The following DNAJC1 variants were observed in gnomAD, a reference collection of about 807,000 sequenced individuals.
DNAJC1 encodes the protein DnaJ heat shock protein family (Hsp40) member C1.
A neutral mutation model predicts 76.6 loss-of-function variants in DNAJC1; 58 were observed. The ratio of observed to expected loss-of-function variants is 0.76; its 90% CI spans 0.61 to 0.94. The LOEUF (loss-of-function observed/expected upper bound fraction) is 0.94, where lower values mean the gene tolerates loss of function less well. Ranked by LOEUF, DNAJC1 falls within the 40% of genes least tolerant of loss-of-function variation. The pLI, the probability that DNAJC1 is intolerant of heterozygous loss-of-function variation, is 0.00. For missense variants in DNAJC1, 689 were observed against 677.3 expected, an observed-to-expected ratio of 1.02 and a Z score of -0.19; for synonymous variants, 258 against 267.9, an observed-to-expected ratio of 0.96 and a Z score of 0.36.
chr10:21,930,755 T>G (rs1474357464), intron 1 of DNAJC1, among the ~76,000 whole-genome samples: 2 of 152,298 alleles, frequency 1.3e-5, no homozygotes, highest in Admixed American at 1.3e-4. Flanking sequence ...ACAGATAATG[T>G]GGTAGAAATA....
intron 1 of DNAJC1, among the ~76,000 whole-genome samples, 170 bp from the exon 2 acceptor site, chr10:21,929,311 T>A (rs1411513474): frequency 6.6e-6 from 1 of 152,218 alleles, no homozygotes; most frequent in African/African-American, 2.4e-5. Flanking sequence ...CTGACCCACA[T>A]GACTGAACAA....
At chr10:21,889,577 G>T (rs2131729478) in intron 7 of DNAJC1, among the ~76,000 whole-genome samples, 1 of 152,252 alleles carries the variant, frequency 6.6e-6, no homozygotes, top group East Asian at 1.9e-4. Flanking sequence ...GAATTTGAAA[G>T]TTAAGAGAGA....
intron 9 of DNAJC1, among the ~76,000 whole-genome samples, chr10:21,795,685 A>G (rs746082983): frequency 3.9e-5 from 6 of 152,238 alleles, no homozygotes; most frequent in African/African-American, 9.6e-5. Context: ...TCAGGTATAC[A>G]GTACAATACT....
intron 1 of DNAJC1, among the ~76,000 whole-genome samples, chr10:21,980,610 G>C (rs2131837026): frequency 6.6e-6 from 1 of 152,138 alleles, no homozygotes; most frequent in South Asian, 2.1e-4. Flanking sequence ...GATGTTAATG[G>C]GACAGCTGGA....
At position 21,849,555 on chromosome 10, in the gene DNAJC1, C is replaced by T. The variant is rs1029092032; in HGVS notation, c.978+32727G>A. ...AAAAAGAGGGGAGATGCAAATAACT[C>T]AGTCCTTTTCAAAATCTTAAAAAAT... is the stretch of plus-strand genomic sequence containing the variant. On this transcript the variant is annotated intron_variant, in intron 8 of 11. Transcript: ENST00000376980. 2.6e-5 allele frequency among the ~76,000 whole-genome samples: 4 copies of T among 152,068 alleles called. No homozygotes were observed. The South Asian group carries it at 8.3e-4, about 32-fold the overall frequency.
intron 9 of DNAJC1, among the ~76,000 whole-genome samples, chr10:21,795,595 T>C (rs183264013): frequency 6.6e-6 from 1 of 152,190 alleles, no homozygotes; most frequent in Non-Finnish European, 1.5e-5. Context: ...CTTCGGGTGA[T>C]GAAAATGTCT....
intron 8 of DNAJC1, among the ~76,000 whole-genome samples, chr10:21,881,912 T>A (rs1836286750): frequency 6.7e-6 from 1 of 149,714 alleles, no homozygotes; most frequent in Admixed American, 6.6e-5. Context: ...CCCAGCACTT[T>A]GGGAGGCCGA....
chr10:21,775,269 A>G (rs1330215029), intron 9 of DNAJC1, among the ~76,000 whole-genome samples: 1 of 149,642 alleles, frequency 6.7e-6, no homozygotes, highest in East Asian at 2.0e-4. Context: ...TCAAGTTACT[A>G]TGCAAACTCT....
chr10:21,852,377 T>C (rs1835770681), intron 8 of DNAJC1, among the ~76,000 whole-genome samples: 1 of 152,146 alleles, frequency 6.6e-6, no homozygotes, highest in South Asian at 2.1e-4. Flanking sequence ...GGTGATATCA[T>C]GTTTTGGAGC....
intron 6 of DNAJC1, among the ~76,000 whole-genome samples, chr10:21,913,493 A>G (rs1836901360): frequency 6.6e-6 from 1 of 152,200 alleles, no homozygotes; most frequent in Admixed American, 6.5e-5. Flanking sequence ...CAAATATTTA[A>G]GGTTCTGAAA....
chr10:21,888,991 A>C (rs948774476), intron 7 of DNAJC1, among the ~76,000 whole-genome samples: 7 of 152,214 alleles, frequency 4.6e-5, no homozygotes, highest in Non-Finnish European at 8.8e-5. Context: ...ATAAGCTTTA[A>C]AAAAATCTTT....
At chr10:21,909,268 G>A (rs1836813676) in intron 6 of DNAJC1, among the ~76,000 whole-genome samples, 1 of 152,190 alleles carries the variant, frequency 6.6e-6, no homozygotes, top group Non-Finnish European at 1.5e-5. Context: ...TTAAACTATG[G>A]CTAACTTAAA....
chr10:21,831,564 G>A lies in DNAJC1; in HGVS notation c.979-25465C>T, dbSNP rs559023076. Reference sequence around the variant, plus strand: ...CCAGCACTTTGGGAGGCTGAGATGGGTGGATCACGAGGTCAGGAGATAGAG... The same window carrying A: ...CCAGCACTTTGGGAGGCTGAGATGGATGGATCACGAGGTCAGGAGATAGAG... On this transcript the variant is annotated intron_variant, in intron 8 of 11. Coordinates refer to ENST00000376980, the MANE Select transcript of DNAJC1 (RefSeq NM_022365.4). 1.9e-3 allele frequency among the ~76,000 whole-genome samples: 292 copies of A among 152,290 alleles called. 2 individuals carry two copies. Among genetic ancestry groups the A allele is most frequent in the Middle Eastern group, 0.01 (3 of 294 alleles).
intron 1 of DNAJC1, among the ~76,000 whole-genome samples, chr10:21,958,981 T>G (rs1215830488): frequency 1.7e-4 from 26 of 152,118 alleles, no homozygotes; most frequent in Admixed American, 1.7e-3. Context: ...TCTTTTAATA[T>G]TTAACAATCT....
chr10:21,779,386 C>G (rs183242886), intron 9 of DNAJC1, among the ~76,000 whole-genome samples: 1 of 152,268 alleles, frequency 6.6e-6, no homozygotes, highest in African/African-American at 2.4e-5. Context: ...ACATACCCCT[C>G]TGAGACAAAA....
chr10:21,965,122 C>T (rs879807779), intron 1 of DNAJC1, among the ~76,000 whole-genome samples: 5 of 152,054 alleles, frequency 3.3e-5, no homozygotes, highest in African/African-American at 1.2e-4. Flanking sequence ...TTAGATATAT[C>T]TTTTATCTCT....
At chr10:21,914,575 G>C (rs1350977921) in intron 6 of DNAJC1, among the ~76,000 whole-genome samples, 3 of 151,948 alleles carry the variant, frequency 2.0e-5, no homozygotes, top group Non-Finnish European at 4.4e-5. Flanking sequence ...TTTTAGACTT[G>C]TCATATCAGA....
chr10:21,836,012 G>T (rs1380940495), intron 8 of DNAJC1, among the ~76,000 whole-genome samples: 1 of 152,014 alleles, frequency 6.6e-6, no homozygotes, highest in Non-Finnish European at 1.5e-5. Flanking sequence ...CCAACTCCAA[G>T]ACACATAATT....
intron 1 of DNAJC1, among the ~76,000 whole-genome samples, chr10:21,937,329 T>A (rs893037685): frequency 6.6e-6 from 1 of 152,060 alleles, no homozygotes; most frequent in Admixed American, 6.5e-5. Context: ...TATACCAATA[T>A]TAGGTAAAAT....
Sources: gnomAD v4.1 joint callset for allele counts (sites outside exome capture counted in the v4.1 genomes callset) on GRCh38, gnomAD v4.1.1 for gene constraint, MANE v1.5 for transcripts, NCBI Gene and HGNC (gene_info 2026-07-23, HGNC 2026-07-21) for gene names.